Variants in KCTD8 observed in about 807,000 individuals in gnomAD.
The protein encoded by KCTD8 is potassium channel tetramerization domain containing 8, also known as BTB/POZ domain-containing protein KCTD8.
A neutral mutation model predicts 31.5 loss-of-function variants in KCTD8; 27 were observed. The ratio of observed to expected loss-of-function variants is 0.86; its 90% CI spans 0.63 to 1.18. The LOEUF (loss-of-function observed/expected upper bound fraction) is 1.18. Among genes scored for constraint, KCTD8 ranks in the 50% most tolerant of loss-of-function variants. The pLI is 0.00. For synonymous variants in KCTD8, 290 were observed against 280.0 expected (o/e 1.04, Z -0.36); for missense variants, 658 against 647.7 (o/e 1.02, Z -0.17).
chr4:44,237,497 CTG>C (rs1715327698), intron 1 of KCTD8, among the ~76,000 whole-genome samples: 1 of 152,142 alleles, frequency 6.6e-6, no homozygotes, highest in Non-Finnish European at 1.5e-5. Flanking sequence ...ATTCAGAAAA[CTG>C]TCAGGAAGAC....
At chr4:44,177,502 C>A (rs1713253377) in intron 1 of KCTD8, among the ~76,000 whole-genome samples, 1 of 152,174 alleles carries the variant, frequency 6.6e-6, no homozygotes, top group South Asian at 2.1e-4. Flanking sequence ...TCCCACTTGT[C>A]ATGGGAGGGA....
intron 1 of KCTD8, among the ~76,000 whole-genome samples, chr4:44,349,088 C>T (rs1010870037): frequency 1.3e-4 from 18 of 134,096 alleles, no homozygotes; most frequent in East Asian, 2.0e-4. Context: ...CCACCACCAC[C>T]ACCACCACTA....
At chr4:44,329,836 A>C (rs551874044) in intron 1 of KCTD8, among the ~76,000 whole-genome samples, 1 of 152,104 alleles carries the variant, frequency 6.6e-6, no homozygotes, top group East Asian at 1.9e-4. Context: ...TTTTCACATA[A>C]AATTTAAATA....
rs1721814241 is a variant in KCTD8 at position 44,441,690 on chromosome 4, C to G, written c.961+5873G>C. ...ATGAACCAGGGATGTTACTTAATGT[C>G]CTAAATCATAGTGTTCTAATTGAAC... On this transcript the variant is annotated intron_variant, in intron 1 of 1. Transcript: ENST00000360029. 2.6e-5 allele frequency among the ~76,000 whole-genome samples: 4 copies of G among 152,226 alleles called. No individual in the cohort carries two copies. The South Asian group carries it at 8.3e-4, about 32-fold the overall frequency.
At chr4:44,261,846 T>A (rs1281656914) in intron 1 of KCTD8, among the ~76,000 whole-genome samples, 2 of 152,068 alleles carry the variant, frequency 1.3e-5, no homozygotes, top group Non-Finnish European at 2.9e-5. Flanking sequence ...TTGATTTGAA[T>A]GTGGTGACCA....
At chr4:44,331,738 T>C (rs1398768077) in intron 1 of KCTD8, among the ~76,000 whole-genome samples, 1 of 149,492 alleles carries the variant, frequency 6.7e-6, no homozygotes, top group East Asian at 1.9e-4. Context: ...GTTTTATATA[T>C]ATATATATGT....
chr4:44,248,885 T>C (rs1715742911), intron 1 of KCTD8, among the ~76,000 whole-genome samples: 1 of 151,820 alleles, frequency 6.6e-6, no homozygotes, highest in African/African-American at 2.4e-5. Context: ...TCAAACTGTT[T>C]AGTGAGAAAT....
chr4:44,436,334 A>C (rs1241233082), intron 1 of KCTD8, among the ~76,000 whole-genome samples: 1 of 152,138 alleles, frequency 6.6e-6, no homozygotes, highest in Non-Finnish European at 1.5e-5. Flanking sequence ...CAGCTCAACA[A>C]GACCTCCTTC....
intron 1 of KCTD8, among the ~76,000 whole-genome samples, chr4:44,267,955 A>C (rs928309867): frequency 1.3e-5 from 2 of 152,206 alleles, no homozygotes; most frequent in African/African-American, 2.4e-5. Flanking sequence ...GCAGAATTCC[A>C]CCAGAGGTAC....
At chr4:44,376,018 G>A (rs989052687) in intron 1 of KCTD8, among the ~76,000 whole-genome samples, 1 of 152,012 alleles carries the variant, frequency 6.6e-6, no homozygotes, top group Non-Finnish European at 1.5e-5. Context: ...TTATGTGGTT[G>A]GAGTGATTGA....
chr4:44,304,424 G>A (rs925796539), intron 1 of KCTD8, among the ~76,000 whole-genome samples: 1 of 152,114 alleles, frequency 6.6e-6, no homozygotes, highest in African/African-American at 2.4e-5. Flanking sequence ...AGCATCACTT[G>A]GATCAAAACA....
At chr4:44,300,135 G>T (rs933264252) in intron 1 of KCTD8, among the ~76,000 whole-genome samples, 56 of 152,178 alleles carry the variant, frequency 3.7e-4, no homozygotes, top group African/African-American at 1.3e-3. Flanking sequence ...ATAACCTACA[G>T]AGGTGTAGAA....
At chr4:44,237,159 C>G (rs1715316260) in intron 1 of KCTD8, among the ~76,000 whole-genome samples, 1 of 152,148 alleles carries the variant, frequency 6.6e-6, no homozygotes, top group African/African-American at 2.4e-5. Context: ...CACCACATCC[C>G]TTGTTTCTAC....
intron 1 of KCTD8, among the ~76,000 whole-genome samples, chr4:44,298,609 G>A (rs1299599680): frequency 6.6e-6 from 1 of 152,120 alleles, no homozygotes; most frequent in African/African-American, 2.4e-5. Context: ...CCTGGAGAAG[G>A]TCCCTAAAAC....
chr4:44,287,011 A>G (rs1717099499), intron 1 of KCTD8, among the ~76,000 whole-genome samples: 1 of 152,270 alleles, frequency 6.6e-6, no homozygotes, highest in African/African-American at 2.4e-5. Flanking sequence ...TAAGTTAAGG[A>G]GATTCATTAA....
chr4:44,191,400 G>A (rs962923173), intron 1 of KCTD8, among the ~76,000 whole-genome samples: 2 of 152,106 alleles, frequency 1.3e-5, no homozygotes, highest in Non-Finnish European at 2.9e-5. Flanking sequence ...TAAGGAACAA[G>A]GGAAGATAAC....
intron 1 of KCTD8, among the ~76,000 whole-genome samples, chr4:44,400,314 A>G (rs17461113): frequency 0.086 from 13,127 of 152,166 alleles, 595 homozygotes; most frequent in South Asian, 0.15. Flanking sequence ...TCCTTTCTCA[A>G]TGCTGCAATA....
chr4:44,176,324 C>T (rs920553973), intron 1 of KCTD8, among the ~76,000 whole-genome samples: 1 of 152,140 alleles, frequency 6.6e-6, no homozygotes, highest in African/African-American at 2.4e-5. Flanking sequence ...ACCTTGGAAG[C>T]ATACTGGAAT....
intron 1 of KCTD8, among the ~76,000 whole-genome samples, chr4:44,320,726 C>T (rs985790396): frequency 1.4e-5 from 2 of 145,678 alleles, no homozygotes; most frequent in Admixed American, 1.4e-4. Flanking sequence ...TAAATGAAAA[C>T]AATGCTAATG....
Sources: allele counts gnomAD v4.1 joint callset (sites outside exome capture counted in the v4.1 genomes callset), GRCh38; gene constraint gnomAD v4.1.1; transcripts MANE v1.5; gene names NCBI Gene and HGNC (gene_info 2026-07-23, HGNC 2026-07-21).